CCDC158: variants seen among roughly 807,000 people sequenced by gnomAD.
The protein encoded by CCDC158 is coiled-coil domain-containing protein 158.
Under a neutral mutation model 138.6 loss-of-function variants are expected in CCDC158, and 116 were observed. The observed-to-expected ratio is 0.84, with a 90% CI of 0.72 to 0.98. CCDC158 has a LOEUF of 0.98. CCDC158 is among the 50% of genes least tolerant of loss of function. The probability of loss-of-function intolerance (pLI) is 0.00; values close to 1 mark genes in which losing one functional copy is unlikely to be tolerated. For missense variants in CCDC158, 1,265 were observed against 1,306.1 expected (o/e 0.97, Z 0.48); for synonymous variants, 436 against 442.4 (o/e 0.99, Z 0.18).
intron 24 of CCDC158, among the ~76,000 whole-genome samples, chr4:76,321,821 C>T (rs1481661482): frequency 6.8e-6 from 1 of 147,982 alleles, no homozygotes; most frequent in Non-Finnish European, 1.5e-5. Flanking sequence ...TAATACTACT[C>T]AGCCATAAAA....
At position 76,404,771 on chromosome 4, in the gene CCDC158, TC is replaced by T. The variant is rs547171384; in HGVS notation, c.-73-1492del. ...TGGGTGTGGTGGCTCATGCCTGTAA[TC>T]CCAGCACTTAGAGATGCAGAAGCAG... is the stretch of plus-strand genomic sequence containing the variant. On this transcript the variant is annotated intron_variant, in intron 2 of 24. Transcript: ENST00000682701. 2.9e-3 allele frequency among the ~76,000 whole-genome samples: 438 copies of T among 152,092 alleles called. 3 individuals are homozygous for T. The highest frequency in any genetic ancestry group is 0.01 in the African/African-American group (423 of 41,470).
intron 19 of CCDC158, 41 bp from the exon 20 acceptor site, chr4:76,332,532 C>T: frequency 1.4e-6 from 2 of 1,394,862 alleles, no homozygotes; most frequent in Non-Finnish European, 2.0e-6. Context: ...ATATAAAGCA[C>T]AATTTCATCC....
chr4:76,313,212 C>T lies in CCDC158; in HGVS notation c.3312G>A (p.Arg1104=). 6.2e-7 allele frequency: 1 copy of T among 1,608,850 alleles called. No homozygotes were observed. The highest frequency in any genetic ancestry group is 8.5e-7 in the Non-Finnish European group (1 of 1,177,110). ...MSSMIRNQEK[R]IQKVKDQEKM... is the part of the protein sequence containing the mutation. ...TTTCCTGGTCTTTTACTTTCTGTAT[C>T]CTCTTTTCTTGATTTCTGATCATTG... The change falls in exon 25 of 25, where the codon AGG becomes AGA. Residue 1104 remains arginine (R), a synonymous_variant. Coordinates refer to ENST00000682701, the MANE Select transcript of CCDC158 (RefSeq NM_001394954.1).
At chr4:76,348,351 C>T (rs372267773) in intron 18 of CCDC158, among the ~76,000 whole-genome samples, 28 of 143,614 alleles carry the variant, frequency 1.9e-4, no homozygotes, top group African/African-American at 5.9e-4. Flanking sequence ...AGGAGAATGG[C>T]GTGAACCCGG....
At chr4:76,314,942 G>A (rs2110053641) in intron 24 of CCDC158, among the ~76,000 whole-genome samples, 1 of 152,330 alleles carries the variant, frequency 6.6e-6, no homozygotes, top group Admixed American at 6.5e-5. Flanking sequence ...TACTGACAGT[G>A]TGGGCAGACA....
At chr4:76,393,634 G>A in intron 4 of CCDC158, among the ~76,000 whole-genome samples, 1 of 151,906 alleles carries the variant, frequency 6.6e-6, no homozygotes. Flanking sequence ...GGACAAATGG[G>A]ATCACAAGTT....
chr4:76,384,522 T>C (rs1420401071), intron 5 of CCDC158, 34 bp downstream of exon 5: 2 of 1,577,760 alleles, frequency 1.3e-6, no homozygotes, highest in African/African-American at 2.7e-5. Context: ...ATAATGAAAA[T>C]ATGTGACTTT....
At chr4:76,318,689 C>A (rs1260264072) in intron 24 of CCDC158, among the ~76,000 whole-genome samples, 2 of 151,918 alleles carry the variant, frequency 1.3e-5, no homozygotes, top group Non-Finnish European at 1.5e-5. Context: ...ATACTAAAAG[C>A]AGGAAAGGAC....
intron 18 of CCDC158, among the ~76,000 whole-genome samples, chr4:76,339,372 T>C (rs1292253332): frequency 1.3e-5 from 2 of 152,214 alleles, no homozygotes; most frequent in Non-Finnish European, 2.9e-5. Flanking sequence ...AAAGGTGACA[T>C]GTGTTCCTCT....
chr4:76,380,761 C>A (rs556308810), intron 8 of CCDC158, among the ~76,000 whole-genome samples: 1 of 152,306 alleles, frequency 6.6e-6, no homozygotes, highest in South Asian at 2.1e-4. Flanking sequence ...TGTCAGAGAT[C>A]TTTAGGCAGC....
chr4:76,409,843 T>A (rs1729152650), intron 2 of CCDC158, among the ~76,000 whole-genome samples: 1 of 149,566 alleles, frequency 6.7e-6, no homozygotes, highest in Admixed American at 6.7e-5. Flanking sequence ...AATAAATAAA[T>A]AAAAATAAAA....
At chr4:76,333,846 A>G in intron 19 of CCDC158, 164 bp downstream of exon 19, 1 of 441,346 alleles carries the variant, frequency 2.3e-6, no homozygotes, top group Non-Finnish European at 3.9e-6. Flanking sequence ...AAGTTGTTTT[A>G]CATTTGCTTA....
intron 4 of CCDC158, among the ~76,000 whole-genome samples, chr4:76,386,043 A>G (rs922421984): frequency 2.0e-5 from 3 of 152,254 alleles, no homozygotes; most frequent in African/African-American, 7.2e-5. Flanking sequence ...AGTCATTCTC[A>G]GACATGCAAA....
In CCDC158 at chr4:76,355,424, G is replaced by C; in HGVS notation, c.2186C>G (p.Ala729Gly). 1 of 1,611,066 alleles carries C rather than the reference G, an allele frequency of 6.2e-7. No individual in the cohort carries two copies. Residue 729 changes from alanine (A) to glycine (G), a missense_variant, in exon 15 of 25, where the codon GCA becomes GGA. Ala to Gly is a moderately conservative substitution (Grantham distance 60, BLOSUM62 0). Coordinates refer to ENST00000682701, the MANE Select transcript of CCDC158 (RefSeq NM_001394954.1). ...TGTGATTTGCTTTTGCATCCCCATT[G>C]CCACTTTCATAGCTGGAAAAAAAAA... Reference protein sequence around the residue: ...EGSDGHAMKVAMGMQKQITAK... With the variant: ...EGSDGHAMKVGMGMQKQITAK...
chr4:76,339,453 G>A (rs1484911117), intron 18 of CCDC158, among the ~76,000 whole-genome samples: 1 of 152,196 alleles, frequency 6.6e-6, no homozygotes, highest in Non-Finnish European at 1.5e-5. Flanking sequence ...GTTAGAGAGG[G>A]TTAATGAATC....
At chr4:76,379,234 A>G in intron 9 of CCDC158, 56 bp downstream of exon 9, 1 of 936,524 alleles carries the variant, frequency 1.1e-6, no homozygotes. Context: ...TACTAATATA[A>G]TATTGATTCT....
chr4:76,371,417 C>T lies in CCDC158; in HGVS notation c.1149G>A (p.Leu383=), dbSNP rs766285360. The T allele has an allele frequency of 3.1e-6, 5 of 1,613,178 alleles. No homozygotes were observed. Among genetic ancestry groups the T allele is most frequent in the Non-Finnish European group, 4.2e-6 (5 of 1,179,550 alleles). ...GNLDDQLQKL[L]ADLHKREKEL... ...TTCATATTTTAAAGCATAATCTTACCAACAGCTTTTGAAGTTGATCATCTA... is the reference window on the plus strand; with the variant it reads ...TTCATATTTTAAAGCATAATCTTACTAACAGCTTTTGAAGTTGATCATCTA... Residue 383 remains leucine, a splice_region_variant and synonymous_variant, in exon 10 of 25, where the codon TTG becomes TTA. Transcript: ENST00000682701.
chr4:76,342,196 T>C (rs915670276), intron 18 of CCDC158, among the ~76,000 whole-genome samples: 12 of 151,736 alleles, frequency 7.9e-5, no homozygotes, highest in African/African-American at 2.9e-4. Flanking sequence ...AATGCCAACA[T>C]GTCTGAATAA....
Position 76,385,003 on chromosome 4 carries a change from A to G in CCDC158, c.289-338T>C, listed in dbSNP as rs116554249. On this transcript the variant is annotated intron_variant, in intron 4 of 24. Coordinates refer to ENST00000682701, the MANE Select transcript of CCDC158 (RefSeq NM_001394954.1). ...TGAAATTCTGTACATAAAAAAGTCA[A>G]TCCCTACCTCCTACCCACTTAAAAT... Among the ~76,000 whole-genome samples, 767 of 152,326 alleles carry G rather than the reference A, an allele frequency of 5.0e-3. 2 individuals carry two copies. The highest frequency in any genetic ancestry group is 9.1e-3 in the Non-Finnish European group (621 of 68,024).
Sources: allele counts gnomAD v4.1 joint callset (sites outside exome capture counted in the v4.1 genomes callset), GRCh38; gene constraint gnomAD v4.1.1; transcripts MANE v1.5; gene names NCBI Gene and HGNC (gene_info 2026-07-23, HGNC 2026-07-21).